Variants in FNDC3A observed in about 807,000 individuals in gnomAD.
FNDC3A encodes the protein fibronectin type-III domain-containing protein 3A.
A neutral mutation model predicts 148.9 loss-of-function variants in FNDC3A; 32 were observed. The observed-to-expected ratio is 0.21, with a 90% CI of 0.16 to 0.29. The LOEUF (loss-of-function observed/expected upper bound fraction) is 0.29. Among genes scored for constraint, FNDC3A ranks in the 10% least tolerant of loss-of-function variants. The pLI, the probability that FNDC3A is intolerant of heterozygous loss-of-function variation, is 1.00. For synonymous variants in FNDC3A, 472 were observed against 473.6 expected, an observed-to-expected ratio of 1.00 and a Z score of 0.04; for missense variants, 1,191 against 1,452.8, an observed-to-expected ratio of 0.82 and a Z score of 2.93.
chr13:48,996,747 A>G (rs1402344172), intron 1 of FNDC3A, among the ~76,000 whole-genome samples: 1 of 152,140 alleles, frequency 6.6e-6, no homozygotes, highest in Non-Finnish European at 1.5e-5. Flanking sequence ...AATTGGACAC[A>G]TCAAAAAACC....
intron 2 of FNDC3A, among the ~76,000 whole-genome samples, chr13:49,056,732 C>T (rs995088168): frequency 1.3e-5 from 2 of 152,152 alleles, no homozygotes; most frequent in South Asian, 2.1e-4. Context: ...TCAGTGACCA[C>T]ATTTTCGAAT....
At chr13:49,067,181 A>T (rs989132532) in intron 2 of FNDC3A, among the ~76,000 whole-genome samples, 2 of 152,240 alleles carry the variant, frequency 1.3e-5, no homozygotes, top group African/African-American at 4.8e-5. Flanking sequence ...GTTTTAAAAA[A>T]AATTAGCTTT....
rs375519087 is a variant in FNDC3A at position 49,144,010 on chromosome 13, A to ACTG, written c.820-1765_820-1763dup. On this transcript the variant is annotated intron_variant, in intron 7 of 25. Transcript: ENST00000492622. ...TACTACTACTACTACTACTACTACT[A>ACTG]CTGCTACTACTACTACTACTACTAA... Among the ~76,000 whole-genome samples the ACTG allele has an allele frequency of 1.2e-3, 172 of 149,240 alleles. 1 individual carries two copies. The highest frequency in any genetic ancestry group is 7.9e-4 in the Non-Finnish European group (53 of 67,376).
intron 4 of FNDC3A, among the ~76,000 whole-genome samples, chr13:49,125,323 A>G (rs1026380123): frequency 2.0e-5 from 3 of 152,148 alleles, no homozygotes; most frequent in Non-Finnish European, 4.4e-5. Flanking sequence ...GAATGAAGAG[A>G]TATAGTAAGA....
intron 2 of FNDC3A, among the ~76,000 whole-genome samples, chr13:49,027,982 A>AT (rs1873842905): frequency 6.6e-6 from 1 of 152,064 alleles, no homozygotes; most frequent in Non-Finnish European, 1.5e-5. Flanking sequence ...GAAGGCCAAG[A>AT]TTGGTGAATC....
chr13:49,158,932 A>T (rs1883904843), intron 8 of FNDC3A, among the ~76,000 whole-genome samples: 1 of 152,036 alleles, frequency 6.6e-6, no homozygotes, highest in Admixed American at 6.6e-5. Flanking sequence ...ATGTTTGTAG[A>T]TATGTGGTAT....
At chr13:49,093,914 C>G (rs1879354079) in intron 3 of FNDC3A, among the ~76,000 whole-genome samples, 1 of 152,050 alleles carries the variant, frequency 6.6e-6, no homozygotes, top group African/African-American at 2.4e-5. Flanking sequence ...GTTTTAATTG[C>G]AAGATGTAGT....
chr13:49,023,873 T>A (rs1027398528), intron 2 of FNDC3A, among the ~76,000 whole-genome samples: 7 of 151,992 alleles, frequency 4.6e-5, no homozygotes, highest in Non-Finnish European at 1.0e-4. Context: ...GTTGTTGAAG[T>A]AGAAATTGAG....
chr13:49,167,262 C>G lies in FNDC3A; in HGVS notation c.996C>G (p.Ile332Met). 6.2e-7 allele frequency: 1 copy of G among 1,601,806 alleles called. No homozygotes were observed. Among genetic ancestry groups the G allele is most frequent in the African/African-American group, 1.3e-5 (1 of 74,666 alleles). ...TCCCCAGAGGAGAAGAAACAAATAT[C>G]ACTTTAAATGATCTCAAGCCAGCCA... ...KSVYVGEETNITLNDLKPAMD... is the reference protein window; with the variant it reads ...KSVYVGEETNMTLNDLKPAMD... The change falls in exon 9 of 26, where the codon ATC becomes ATG. Residue 332 changes from isoleucine to methionine, a missense_variant. Physicochemically the swap from Ile to Met is conservative, Grantham distance 10. This residue lies in a region of FNDC3A where 426 missense variants were observed against 473.2 expected (regional missense o/e 0.90). Coordinates refer to ENST00000492622, the MANE Select transcript of FNDC3A (RefSeq NM_001079673.2).
At chr13:48,985,125 T>C (rs1347754993) in intron 1 of FNDC3A, among the ~76,000 whole-genome samples, 1 of 152,158 alleles carries the variant, frequency 6.6e-6, no homozygotes, top group Non-Finnish European at 1.5e-5. Context: ...AGCAATAGAC[T>C]GGGATAAAAT....
At chr13:48,993,450 G>T (rs1566178592) in intron 1 of FNDC3A, among the ~76,000 whole-genome samples, 1 of 152,054 alleles carries the variant, frequency 6.6e-6, no homozygotes, top group Non-Finnish European at 1.5e-5. Context: ...GCAACAATAG[G>T]ACTTTAGATT....
chr13:49,012,805 A>ATGGGTGTGTGTGTG, intron 2 of FNDC3A, among the ~76,000 whole-genome samples: 1 of 134,618 alleles, frequency 7.4e-6, no homozygotes, highest in Non-Finnish European at 1.6e-5. Flanking sequence ...GCAATTATAA[A>ATGGGTGTGTGTGTG]TGTGTGTGTG....
At chr13:49,200,175 T>C (rs1886357532) in intron 23 of FNDC3A, among the ~76,000 whole-genome samples, 1 of 152,236 alleles carries the variant, frequency 6.6e-6, no homozygotes, top group South Asian at 2.1e-4. Context: ...GTAACAGTTT[T>C]TCCCAAGATT....
intron 13 of FNDC3A, among the ~76,000 whole-genome samples, chr13:49,178,281 C>T (rs929154401): frequency 3.9e-5 from 6 of 152,212 alleles, no homozygotes; most frequent in African/African-American, 9.6e-5. Flanking sequence ...TTACCATTGG[C>T]TCCAACTCTA....
chr13:49,207,301 T>G lies in FNDC3A; in HGVS notation c.3503T>G (p.Leu1168Arg). Residue 1168 changes from leucine (L) to arginine (R), a missense_variant, in exon 26 of 26, where the codon CTG (leucine) becomes CGG (arginine). Leu to Arg is a moderately radical substitution (Grantham distance 102, BLOSUM62 -2). Around this residue, in one of 3 missense-constraint regions of FNDC3A, gnomAD observed 751 missense variants for 944.0 expected, o/e 0.80. Transcript: ENST00000492622. ...GAAAGCACAAGGACCCGACGGGCAC[T>G]GAGTGACGAGCAGTGTGCTGCCGTC... ...TVESTRTRRA[L>R]SDEQCAAVIL... 6.2e-7 allele frequency: 1 copy of G among 1,614,128 alleles called. No homozygotes were observed. Among genetic ancestry groups the G allele is most frequent in the Non-Finnish European group, 8.5e-7 (1 of 1,179,946 alleles).
At chr13:48,989,016 G>C (rs1951858459) in intron 1 of FNDC3A, among the ~76,000 whole-genome samples, 2 of 152,130 alleles carry the variant, frequency 1.3e-5, no homozygotes, top group South Asian at 4.1e-4. Flanking sequence ...CAGTATCCAA[G>C]CTCACACAGG....
chr13:48,995,985 A>G (rs1474167552), intron 1 of FNDC3A, among the ~76,000 whole-genome samples: 1 of 152,206 alleles, frequency 6.6e-6, no homozygotes, highest in Non-Finnish European at 1.5e-5. Flanking sequence ...TCTAAATTGG[A>G]AAAGTACATT....
chr13:49,010,805 C>T (rs1593465804), intron 2 of FNDC3A, among the ~76,000 whole-genome samples: 1 of 152,200 alleles, frequency 6.6e-6, no homozygotes, highest in Non-Finnish European at 1.5e-5. Flanking sequence ...TAATTGCTTA[C>T]TGACTTTTCT....
rs1451725392 is a variant in FNDC3A, at chr13:49,167,231, C to G, written c.978-13C>G. The G allele has an allele frequency of 6.4e-7, 1 of 1,566,520 alleles. No homozygotes were observed. The highest frequency in any genetic ancestry group is 8.7e-7 in the Non-Finnish European group (1 of 1,143,040). ...TATTTATCAGACATGATATATTACC[C>G]TTTTTTCCCCAGAGGAGAAGAAACA... On this transcript the variant is annotated splice_polypyrimidine_tract_variant and intron_variant, in intron 8 of 25. Transcript: ENST00000492622.
Sources: allele counts gnomAD v4.1 joint callset (sites outside exome capture counted in the v4.1 genomes callset), GRCh38; gene constraint gnomAD v4.1.1; regional missense constraint gnomAD v4.1.1; transcripts MANE v1.5; gene names NCBI Gene and HGNC (gene_info 2026-07-23, HGNC 2026-07-21).